Variants in GRID2 observed in about 807,000 individuals in gnomAD.
GRID2 encodes the protein glutamate ionotropic receptor delta type subunit 2.
In GRID2, 33 loss-of-function variants were observed where a neutral mutation model predicts 114.8. The ratio of observed to expected loss-of-function variants is 0.29; its 90% CI spans 0.22 to 0.38. The LOEUF is 0.38. Ranked by LOEUF, GRID2 falls within the 10% of genes least tolerant of loss-of-function variation. GRID2 has a pLI of 1.00. For synonymous variants in GRID2, 505 were observed against 449.9 expected (o/e 1.12, Z -1.55); for missense variants, 1,184 against 1,257.7 (o/e 0.94, Z 0.89).
intron 8 of GRID2, among the ~76,000 whole-genome samples, chr4:93,260,197 C>A (rs914768214): frequency 6.6e-6 from 1 of 151,360 alleles, no homozygotes; most frequent in Non-Finnish European, 1.5e-5. Flanking sequence ...AACTGTAAAT[C>A]CATGGAGTTT....
intron 10 of GRID2, among the ~76,000 whole-genome samples, chr4:93,426,615 T>G (rs571964287): frequency 6.6e-6 from 1 of 152,132 alleles, no homozygotes; most frequent in Non-Finnish European, 1.5e-5. Context: ...AGTCCAAGTA[T>G]GTTAATGGTA....
At chr4:92,617,846 A>G (rs550760319) in intron 2 of GRID2, among the ~76,000 whole-genome samples, 4 of 151,560 alleles carry the variant, frequency 2.6e-5, no homozygotes, top group African/African-American at 9.6e-5. Flanking sequence ...CCCTTTTCTT[A>G]ATTAGACGAT....
At chr4:93,790,993 C>T (rs1734683289) in intron 1 of GRID2, among the ~76,000 whole-genome samples, 1 of 152,074 alleles carries the variant, frequency 6.6e-6, no homozygotes, top group African/African-American at 2.4e-5. Context: ...AGTGTTCTAC[C>T]GTTATTATTC....
intron 2 of GRID2, among the ~76,000 whole-genome samples, chr4:92,765,178 G>A (rs1454637411): frequency 2.0e-5 from 3 of 152,020 alleles, no homozygotes; most frequent in African/African-American, 7.2e-5. Context: ...TTGGTATTAT[G>A]TTTCTCAATA....
At chr4:93,177,166 T>C (rs1365561094) in intron 4 of GRID2, among the ~76,000 whole-genome samples, 3 of 152,184 alleles carry the variant, frequency 2.0e-5, no homozygotes, top group Non-Finnish European at 4.4e-5. Flanking sequence ...AGCCATATAT[T>C]AAGTGGGACA....
chr4:92,623,864 T>G (rs1730394231), intron 2 of GRID2, among the ~76,000 whole-genome samples: 2 of 151,802 alleles, frequency 1.3e-5, no homozygotes, highest in South Asian at 4.1e-4. Flanking sequence ...TATAAGATTA[T>G]AATTTTTGGC....
intron 2 of GRID2, among the ~76,000 whole-genome samples, chr4:92,699,179 C>G (rs1347041728): frequency 6.6e-6 from 1 of 152,100 alleles, no homozygotes; most frequent in Non-Finnish European, 1.5e-5. Flanking sequence ...AAACCAATTT[C>G]TGTGTATTCT....
At chr4:93,299,211 CG>C (rs1754612658) in intron 8 of GRID2, among the ~76,000 whole-genome samples, 1 of 152,042 alleles carries the variant, frequency 6.6e-6, no homozygotes, top group South Asian at 2.1e-4. Flanking sequence ...CTCAGGCACT[CG>C]TAGCCCACTA....
chr4:92,838,602 C>G (rs1742645126), intron 2 of GRID2, among the ~76,000 whole-genome samples: 1 of 152,028 alleles, frequency 6.6e-6, no homozygotes. Context: ...AAAGGCTGAA[C>G]AAGCTTGCAT....
chr4:92,381,001 T>C (rs1266226612), intron 1 of GRID2, among the ~76,000 whole-genome samples: 4 of 152,076 alleles, frequency 2.6e-5, no homozygotes, highest in Non-Finnish European at 2.9e-5. Flanking sequence ...AAAAAGCCCC[T>C]TTTCCCTCCA....
chr4:93,197,456 G>A (rs557861503), intron 4 of GRID2, among the ~76,000 whole-genome samples: 9 of 152,138 alleles, frequency 5.9e-5, no homozygotes, highest in East Asian at 5.8e-4. Context: ...GTGTGTGTGT[G>A]TATATAAAAA....
intron 2 of GRID2, among the ~76,000 whole-genome samples, chr4:92,940,142 T>C (rs993394542): frequency 6.8e-6 from 1 of 147,296 alleles, no homozygotes; most frequent in Non-Finnish European, 1.5e-5. Flanking sequence ...ATTGAAACTA[T>C]AAATTACCTT....
intron 8 of GRID2, among the ~76,000 whole-genome samples, chr4:93,253,912 C>G (rs1307215313): frequency 1.3e-5 from 2 of 152,064 alleles, no homozygotes; most frequent in South Asian, 4.2e-4. Context: ...CTTCTTTTCC[C>G]TCTGATTTTG....
chr4:93,522,558 A>G (rs1443442582), intron 13 of GRID2, among the ~76,000 whole-genome samples: 1 of 152,132 alleles, frequency 6.6e-6, no homozygotes. Flanking sequence ...AAGGAAATTA[A>G]GAGCACATGC....
At chr4:92,568,977 A>G (rs531579643) in intron 1 of GRID2, among the ~76,000 whole-genome samples, 2 of 151,236 alleles carry the variant, frequency 1.3e-5, no homozygotes, top group African/African-American at 4.9e-5. Flanking sequence ...TAAATTCCCA[A>G]CTTTTAAGTT....
At chr4:93,759,539 A>G (rs1484097962) in intron 14 of GRID2, among the ~76,000 whole-genome samples, 2 of 152,202 alleles carry the variant, frequency 1.3e-5, no homozygotes, top group Non-Finnish European at 2.9e-5. Context: ...AAAAAAGTTA[A>G]TTGGAATAAC....
intron 14 of GRID2, among the ~76,000 whole-genome samples, chr4:93,637,398 C>T (rs1721507092): frequency 6.6e-6 from 1 of 152,084 alleles, no homozygotes; most frequent in Non-Finnish European, 1.5e-5. Context: ...AGTGACAAAG[C>T]CAGGCTTTGA....
chr4:92,444,203 T>C lies in GRID2; in HGVS notation c.88+139459T>C, dbSNP rs532601984. Among the ~76,000 whole-genome samples the C allele has an allele frequency of 4.6e-5, 7 of 152,278 alleles. No individual in the cohort carries two copies. In the South Asian group the frequency reaches 1.5e-3, roughly 32 times the overall value. ...CCCGATCCGAGTCATGGCACCAAAATTCATGCGCGTCTGTGTGAAGAGACC... is the reference window on the plus strand; with the variant it reads ...CCCGATCCGAGTCATGGCACCAAAACTCATGCGCGTCTGTGTGAAGAGACC... On this transcript the variant is annotated intron_variant, in intron 1 of 15. Transcript: ENST00000282020.
intron 1 of GRID2, among the ~76,000 whole-genome samples, chr4:92,586,919 C>T (rs1048216462): frequency 1.3e-5 from 2 of 151,882 alleles, no homozygotes; most frequent in Non-Finnish European, 2.9e-5. Context: ...ATAAGGATTA[C>T]ATAAAGCCTT....
Sources: allele counts gnomAD v4.1 joint callset (sites outside exome capture counted in the v4.1 genomes callset), GRCh38; gene constraint gnomAD v4.1.1; transcripts MANE v1.5; gene names NCBI Gene and HGNC (gene_info 2026-07-23, HGNC 2026-07-21).